The following MPRIP variants were observed in gnomAD, a reference collection of about 807,000 sequenced individuals.
The protein encoded by MPRIP is myosin phosphatase Rho-interacting protein.
A neutral mutation model predicts 234.9 loss-of-function variants in MPRIP; 59 were observed. The ratio of observed to expected loss-of-function variants is 0.25; its 90% confidence interval spans 0.20 to 0.31. MPRIP has a LOEUF of 0.31. Among genes scored for constraint, MPRIP ranks in the 10% least tolerant of loss-of-function variants. The pLI is 1.00. For missense variants in MPRIP, 2,436 were observed against 3,071.0 expected (o/e 0.79, Z 4.89); for synonymous variants, 1,144 against 1,263.9 (o/e 0.91, Z 2.01).
At chr17:17,088,184 G>C (rs536935201) in intron 3 of MPRIP, among the ~76,000 whole-genome samples, 11 of 152,338 alleles carry the variant, frequency 7.2e-5, no homozygotes, top group Non-Finnish European at 1.6e-4. Flanking sequence ...GGAGCGGCGA[G>C]AGCTGTCGTG....
intron 13 of MPRIP, among the ~76,000 whole-genome samples, chr17:17,155,034 G>A (rs917920020): frequency 4.6e-5 from 7 of 152,176 alleles, no homozygotes; most frequent in Admixed American, 3.3e-4. Flanking sequence ...AACAAAAAAA[G>A]CAGAGAAGAT....
At chr17:17,148,787 A>T (rs147952047) in intron 11 of MPRIP, among the ~76,000 whole-genome samples, 1 of 152,330 alleles carries the variant, frequency 6.6e-6, no homozygotes, top group East Asian at 1.9e-4. Context: ...TGTTTGGCAT[A>T]TATTTTCATG....
At chr17:17,117,760 G>T (rs989137995) in intron 3 of MPRIP, among the ~76,000 whole-genome samples, 1 of 152,184 alleles carries the variant, frequency 6.6e-6, no homozygotes, top group African/African-American at 2.4e-5. Context: ...GAAACTGTCT[G>T]TAATTTTTTG....
chr17:17,137,899 C>G lies in MPRIP; in HGVS notation c.737-17C>G. ...AGCAGGCTGAGTGCGTCTCCTCCCTCCCACTGTCTCTTCCAGAGGAGAGCG... is the reference window on the plus strand; with the variant it reads ...AGCAGGCTGAGTGCGTCTCCTCCCTGCCACTGTCTCTTCCAGAGGAGAGCG... On this transcript the variant is annotated splice_polypyrimidine_tract_variant and intron_variant, in intron 6 of 23. Transcript: ENST00000651222. 1 of 1,564,756 alleles carries G rather than the reference C, an allele frequency of 6.4e-7. No individual in the cohort carries two copies. Among genetic ancestry groups the G allele is most frequent in the Non-Finnish European group, 8.6e-7 (1 of 1,156,274 alleles).
At chr17:17,153,266 C>A (rs2045644332) in intron 12 of MPRIP, among the ~76,000 whole-genome samples, 1 of 152,118 alleles carries the variant, frequency 6.6e-6, no homozygotes, top group South Asian at 2.1e-4. Context: ...TGGCTTCTGG[C>A]CAGGCCACTA....
At chr17:17,048,354 C>G (rs373732015) in intron 1 of MPRIP, among the ~76,000 whole-genome samples, 1 of 152,170 alleles carries the variant, frequency 6.6e-6, no homozygotes, top group East Asian at 1.9e-4. Context: ...AGGACGAGGT[C>G]TCAGGGAAGC....
intron 8 of MPRIP, among the ~76,000 whole-genome samples, 178 bp from the exon 9 acceptor site, chr17:17,143,378 C>CT (rs2045373501): frequency 3.3e-5 from 5 of 152,204 alleles, no homozygotes; most frequent in Admixed American, 3.3e-4. Flanking sequence ...CAGGGCATCT[C>CT]AGGACCCGGG....
At chr17:17,093,582 T>C (rs1597792668) in intron 3 of MPRIP, among the ~76,000 whole-genome samples, 2 of 152,322 alleles carry the variant, frequency 1.3e-5, no homozygotes, top group Admixed American at 1.3e-4. Flanking sequence ...TATGTGAAGG[T>C]TGAAAATGGG....
At chr17:17,059,471 G>A (rs946628033) in intron 1 of MPRIP, among the ~76,000 whole-genome samples, 16 of 152,352 alleles carry the variant, frequency 1.1e-4, no homozygotes, top group African/African-American at 3.8e-4. Flanking sequence ...TATAGGAGGG[G>A]CAGTGCAGTT....
Position 17,161,260 on chromosome 17 carries a change from G to A in MPRIP, c.2421G>A (p.Glu807=). The A allele has an allele frequency of 3.7e-6, 6 of 1,601,976 alleles. No individual in the cohort carries two copies. Among genetic ancestry groups the A allele is most frequent in the Non-Finnish European group, 5.1e-6 (6 of 1,172,106 alleles). The change falls in exon 15 of 24, where the codon GAG becomes GAA. Residue 807 remains glutamate (E), a synonymous_variant. Transcript: ENST00000651222. ...AACAGCTGGAGCAGAGCCAGAAGGA[G>A]GCCTCAGACCTTCTGGAGCAGAACC... is the stretch of plus-strand genomic sequence containing the variant. ...LEKELEQSQK[E]ASDLLEQNRL...
At chr17:17,090,849 T>C (rs577923124) in intron 3 of MPRIP, among the ~76,000 whole-genome samples, 26 of 152,332 alleles carry the variant, frequency 1.7e-4, no homozygotes, top group African/African-American at 5.3e-4. Flanking sequence ...ATTCCCATTC[T>C]GTGAGCTGGG....
In MPRIP at chr17:17,138,871, A is replaced by G. The variant is rs1325046642; in HGVS notation, c.1250+442A>G. Among the ~76,000 whole-genome samples, 1 of 152,202 alleles carries G rather than the reference A, an allele frequency of 6.6e-6. No individual in the cohort carries two copies. The highest frequency in any genetic ancestry group is 1.9e-4 in the East Asian group (1 of 5,188). Reference sequence around the variant, plus strand: ...GTGGGCAAAGGGCACTGAGAGGTTCAGAGGCAGACAGGCATGCCCAGGAAG... The same window carrying G: ...GTGGGCAAAGGGCACTGAGAGGTTCGGAGGCAGACAGGCATGCCCAGGAAG... On this transcript the variant is annotated intron_variant, in intron 7 of 23. Transcript: ENST00000651222. The surrounding 1 kb of genome is among the most constrained non-coding windows in gnomAD (Gnocchi z 5.8).
At position 17,177,406 on chromosome 17, in the gene MPRIP, G is replaced by A. The variant is rs1487570648; in HGVS notation, c.7114G>A (p.Gly2372Arg). 6 of 1,613,254 alleles carry A rather than the reference G, an allele frequency of 3.7e-6. No homozygotes were observed. The highest frequency in any genetic ancestry group is 3.3e-5 in the Admixed American group (2 of 60,002). Reference sequence around the variant, plus strand: ...GTCCCCTGACAGTGCCACGGTGTCCGGATATGGTGCGTCCTCGGGTCATGC... The same window carrying A: ...GTCCCCTGACAGTGCCACGGTGTCCAGATATGGTGCGTCCTCGGGTCATGC... The part of the protein sequence containing the change: ...EKSPDSATVS[G>R]YDIMKSKSNP... The change falls in exon 22 of 24, where the codon GGA becomes AGA. Residue 2372 changes from glycine (G) to arginine (R), a missense_variant. Physicochemically the swap from Gly to Arg is moderately radical, Grantham distance 125 (BLOSUM62 -2). Coordinates refer to ENST00000651222, the MANE Select transcript of MPRIP (RefSeq NM_001364716.4).
chr17:17,191,164 A>G lies in MPRIP; in HGVS notation c.*6270A>G, dbSNP rs2046579129. On this transcript the variant is annotated 3_prime_UTR_variant, in exon 24 of 24. Transcript: ENST00000651222. Reference sequence around the variant, plus strand: ...CCTGTATCCATACATTGTTTCATTGAAAGAATTCTCTATTGCCTCTTCTTG... The same window carrying G: ...CCTGTATCCATACATTGTTTCATTGGAAGAATTCTCTATTGCCTCTTCTTG... The G allele has an allele frequency of 6.6e-6, 1 of 152,236 alleles. No homozygotes were observed. The highest frequency in any genetic ancestry group is 1.5e-5 in the Non-Finnish European group (1 of 68,038). The allele number at this position is 152,236 out of a possible 1,614,324, so 9.4% of individuals were successfully genotyped here.
intron 13 of MPRIP, among the ~76,000 whole-genome samples, chr17:17,156,185 A>C (rs1295658686): frequency 6.6e-6 from 1 of 152,172 alleles, no homozygotes; most frequent in East Asian, 1.9e-4. Flanking sequence ...AGATGTCAGG[A>C]ATGCACCTGT....
intron 1 of MPRIP, among the ~76,000 whole-genome samples, chr17:17,062,350 A>G (rs755854434): frequency 2.0e-4 from 30 of 152,210 alleles, no homozygotes; most frequent in Non-Finnish European, 3.7e-4. Flanking sequence ...TGGCATTTAC[A>G]TTACAAAAAT....
At chr17:17,153,445 C>T (rs2045651066) in intron 12 of MPRIP, among the ~76,000 whole-genome samples, 2 of 152,064 alleles carry the variant, frequency 1.3e-5, no homozygotes, top group East Asian at 1.9e-4. Flanking sequence ...ATGCAGGCCA[C>T]TGGCCCTCCC....
intron 3 of MPRIP, among the ~76,000 whole-genome samples, chr17:17,116,367 G>A (rs985286005): frequency 2.0e-5 from 3 of 152,210 alleles, no homozygotes; most frequent in Admixed American, 6.5e-5. Context: ...GCGGGTAACC[G>A]TGGGTCTCCC....
intron 1 of MPRIP, among the ~76,000 whole-genome samples, chr17:17,066,523 GA>G (rs1216269453): frequency 6.6e-6 from 1 of 151,906 alleles, no homozygotes; most frequent in Non-Finnish European, 1.5e-5. Context: ...ATATATTGCT[GA>G]ATTCTATTTA....
Sources: allele counts gnomAD v4.1 joint callset (sites outside exome capture counted in the v4.1 genomes callset), GRCh38; gene constraint gnomAD v4.1.1; non-coding constraint Gnocchi (gnomAD v3.1); transcripts MANE v1.5; gene names NCBI Gene and HGNC (gene_info 2026-07-23, HGNC 2026-07-21).